The following RNF130 variants were observed in gnomAD, a reference collection of about 807,000 sequenced individuals.
The protein encoded by RNF130 is ring finger protein 130.
In RNF130, 21 loss-of-function variants were observed where a neutral mutation model predicts 44.6. The ratio of observed to expected loss-of-function variants is 0.47; its 90% CI spans 0.33 to 0.68. The LOEUF (loss-of-function observed/expected upper bound fraction) is 0.68. Among genes scored for constraint, RNF130 ranks in the 30% least tolerant of loss-of-function variants. The pLI is 0.02. For missense variants in RNF130, 479 were observed against 560.6 expected, an observed-to-expected ratio of 0.85 and a Z score of 1.47; for synonymous variants, 214 against 210.4, an observed-to-expected ratio of 1.02 and a Z score of -0.15.
chr5:179,962,264 G>A (rs933967387), intron 8 of RNF130, among the ~76,000 whole-genome samples: 2 of 152,190 alleles, frequency 1.3e-5, no homozygotes, highest in African/African-American at 4.8e-5. Flanking sequence ...GCTCACAGAT[G>A]CCAGGGGGCA....
At chr5:179,946,845 C>T (rs895922276) in intron 7 of RNF130, among the ~76,000 whole-genome samples, 4 of 152,182 alleles carry the variant, frequency 2.6e-5, no homozygotes, top group South Asian at 2.1e-4. Flanking sequence ...TCAGCCACCG[C>T]GCCCAGCACC....
intron 7 of RNF130, among the ~76,000 whole-genome samples, chr5:179,948,235 T>C (rs1407667843): frequency 2.0e-5 from 3 of 152,232 alleles, no homozygotes; most frequent in Non-Finnish European, 4.4e-5. Flanking sequence ...TGGTTATACA[T>C]GTGAACAACT....
intron 7 of RNF130, among the ~76,000 whole-genome samples, chr5:179,929,519 G>A (rs1382456507): frequency 6.6e-6 from 1 of 152,152 alleles, no homozygotes. Context: ...AGGCCAAGGT[G>A]GGAGGACTGC....
intron 7 of RNF130, among the ~76,000 whole-genome samples, chr5:179,928,244 T>A (rs1761734366): frequency 6.6e-6 from 1 of 152,194 alleles, no homozygotes; most frequent in Non-Finnish European, 1.5e-5. Flanking sequence ...GTGTGCATAT[T>A]TTCAGCGTCA....
chr5:180,040,376 C>G (rs150667694), intron 2 of RNF130, 77 bp downstream of exon 2: 1 of 1,326,034 alleles, frequency 7.5e-7, no homozygotes, highest in African/African-American at 1.5e-5. Context: ...ATGGCTTCAG[C>G]AGAGGCAGAA....
chr5:180,037,366 G>A (rs540908217), intron 2 of RNF130, among the ~76,000 whole-genome samples: 1 of 152,266 alleles, frequency 6.6e-6, no homozygotes, highest in East Asian at 1.9e-4. Flanking sequence ...CAGCAGTTGT[G>A]CTCCACCGTA....
At chr5:180,052,152 TC>T (rs1345941708) in intron 1 of RNF130, among the ~76,000 whole-genome samples, 3 of 152,196 alleles carry the variant, frequency 2.0e-5, no homozygotes, top group Non-Finnish European at 4.4e-5. Flanking sequence ...CCCTCTTTTC[TC>T]AGTGGACAGT....
chr5:180,039,439 T>C (rs1442206110), intron 2 of RNF130, among the ~76,000 whole-genome samples: 5 of 152,132 alleles, frequency 3.3e-5, no homozygotes, highest in African/African-American at 1.2e-4. Flanking sequence ...GGTTTCAGCA[T>C]GTCGGCCAGG....
intron 5 of RNF130, among the ~76,000 whole-genome samples, chr5:179,970,894 A>C (rs1372988138): frequency 1.3e-5 from 2 of 152,246 alleles, no homozygotes; most frequent in South Asian, 2.1e-4. Context: ...ATCATGGCTA[A>C]GTGAAGAGTT....
At chr5:180,022,213 C>T (rs2113106362) in intron 2 of RNF130, among the ~76,000 whole-genome samples, 1 of 152,222 alleles carries the variant, frequency 6.6e-6, no homozygotes, top group South Asian at 2.1e-4. Flanking sequence ...TGTGAAGTTC[C>T]TCTTTTCCCC....
At chr5:179,965,728 A>G (rs10054685) in intron 7 of RNF130, among the ~76,000 whole-genome samples, 3,036 of 152,318 alleles carry the variant, frequency 0.02, 102 homozygotes, top group African/African-American at 0.069. Flanking sequence ...CACTCAAAGC[A>G]CAGTTTTCTC....
At chr5:179,963,776 C>T (rs992367825) in intron 7 of RNF130, 1 of 561,606 alleles carries the variant, frequency 1.8e-6, no homozygotes, top group Non-Finnish European at 3.2e-6. Context: ...GAAAGGAAAG[C>T]ATGGCTCAAC....
At chr5:180,041,807 G>A (rs1368805633) in intron 1 of RNF130, among the ~76,000 whole-genome samples, 1 of 152,234 alleles carries the variant, frequency 6.6e-6, no homozygotes, top group African/African-American at 2.4e-5. Context: ...GAGGTGTGGT[G>A]GCTCACGCCT....
intron 8 of RNF130, chr5:179,955,983 T>C (rs919988996): frequency 3.5e-5 from 9 of 259,068 alleles, no homozygotes; most frequent in South Asian, 1.7e-4. Context: ...TTTAAACACA[T>C]GTTCTGAATG....
chr5:180,040,203 G>A (rs1764373141), intron 2 of RNF130, among the ~76,000 whole-genome samples: 1 of 152,126 alleles, frequency 6.6e-6, no homozygotes, highest in South Asian at 2.1e-4. Flanking sequence ...ATGTAGAAAT[G>A]CAAAACAACT....
chr5:179,946,096 C>T (rs1762033396), intron 7 of RNF130, among the ~76,000 whole-genome samples: 1 of 152,198 alleles, frequency 6.6e-6, no homozygotes, highest in Non-Finnish European at 1.5e-5. Context: ...GCCATTTGGG[C>T]GATACTGTTT....
At chr5:180,038,983 C>T (rs1040697647) in intron 2 of RNF130, among the ~76,000 whole-genome samples, 5 of 152,118 alleles carry the variant, frequency 3.3e-5, no homozygotes, top group Admixed American at 6.5e-5. Context: ...GGAAAGCAAA[C>T]CGGCACCTGC....
chr5:180,000,640 TGAGA>T (rs1443504159), intron 3 of RNF130, among the ~76,000 whole-genome samples: 1 of 152,228 alleles, frequency 6.6e-6, no homozygotes, highest in Non-Finnish European at 1.5e-5. Context: ...ATCTTCAAGT[TGAGA>T]GATTCTTTCT....
At chr5:180,017,048 T>G (rs1274167868) in intron 2 of RNF130, among the ~76,000 whole-genome samples, 3 of 152,204 alleles carry the variant, frequency 2.0e-5, no homozygotes, top group Non-Finnish European at 2.9e-5. Context: ...CAGGATTCAA[T>G]CGGGGCTGTC....
Sources: gnomAD v4.1 joint callset for allele counts (sites outside exome capture counted in the v4.1 genomes callset) on GRCh38, gnomAD v4.1.1 for gene constraint, MANE v1.5 for transcripts, NCBI Gene and HGNC (gene_info 2026-07-23, HGNC 2026-07-21) for gene names.